The following TTC21A variants were observed in gnomAD, a reference collection of about 807,000 sequenced individuals.
TTC21A encodes tetratricopeptide repeat domain 21A, also known as tetratricopeptide repeat protein 21A.
In TTC21A, 128 loss-of-function variants were observed where a neutral mutation model predicts 156.4. That is an observed-to-expected ratio of 0.82 (90% confidence interval 0.71 to 0.95). The LOEUF is 0.95. Ranked by LOEUF, TTC21A falls within the 40% of genes least tolerant of loss-of-function variation. The probability of loss-of-function intolerance (pLI) is 0.00; values close to 1 mark genes in which losing one functional copy is unlikely to be tolerated. For missense variants in TTC21A, 1,435 were observed against 1,602.3 expected (o/e 0.90, Z 1.78); for synonymous variants, 587 against 617.1 (o/e 0.95, Z 0.72).
rs1432845666 is a variant in TTC21A, at chr3:39,114,839, C to T, written c.716+97C>T. 18 of 1,444,086 alleles carry T rather than the reference C, an allele frequency of 1.2e-5. No homozygotes were observed. The Middle Eastern group carries it at 5.8e-4, about 46-fold the overall frequency. 89.5% of individuals were successfully genotyped at this position (1,444,086 alleles called of 1,614,324 possible). On this transcript the variant is annotated intron_variant, in intron 6 of 28. Coordinates refer to ENST00000683103, the MANE Select transcript of TTC21A (RefSeq NM_001366900.1). Reference sequence around the variant, plus strand: ...GAGAACAAGACAGAAAGGTAAATATCGCCCATAGAGGAACTGGGAATTGTG... The same window carrying T: ...GAGAACAAGACAGAAAGGTAAATATTGCCCATAGAGGAACTGGGAATTGTG...
At position 39,130,342 on chromosome 3, in the gene TTC21A, C is replaced by A. The variant is rs1266997965; in HGVS notation, c.2303C>A (p.Ala768Asp). The A allele has an allele frequency of 6.2e-7, 1 of 1,613,020 alleles. No homozygotes were observed. Among genetic ancestry groups the A allele is most frequent in the Admixed American group, 1.7e-5 (1 of 59,894 alleles). ...AGAATTGGGCACGCTTATGTGAAGG[C>A]CCACCAGTATACTGAGGTCAGGCTG... is the stretch of plus-strand genomic sequence containing the variant. ...ASRIGHAYVK[A>D]HQYTEAIEYY... The change falls in exon 17 of 29, where the codon GCC (alanine) becomes GAC (aspartate). Residue 768 changes from alanine to aspartate, a missense_variant. Coordinates refer to ENST00000683103, the MANE Select transcript of TTC21A (RefSeq NM_001366900.1). The surrounding 1 kb of genome is among the most constrained non-coding windows in gnomAD (Gnocchi z 4.5).
chr3:39,129,994 A>C (rs1459572513), intron 15 of TTC21A, 85 bp from the exon 16 acceptor site: 22 of 1,314,026 alleles, frequency 1.7e-5, no homozygotes, highest in Middle Eastern at 1.9e-4. Context: ...AGCCAGAATC[A>C]GTGGGAAGGA....
At chr3:39,137,147 C>G (rs752600826) in intron 24 of TTC21A, 48 bp from the exon 25 acceptor site, 1 of 1,598,144 alleles carries the variant, frequency 6.3e-7, no homozygotes, top group South Asian at 1.1e-5. Flanking sequence ...GAGGGCCACA[C>G]GGGCAGGCCA....
At chr3:39,131,358 T>C (rs892602126) in intron 19 of TTC21A, among the ~76,000 whole-genome samples, 1 of 152,174 alleles carries the variant, frequency 6.6e-6, no homozygotes, top group African/African-American at 2.4e-5. Context: ...ATAGTAGAGA[T>C]AATAAGGATG....
Position 39,117,007 on chromosome 3 carries a change from T to C in TTC21A, c.717-1062T>C, listed in dbSNP as rs936078417. 3.9e-5 allele frequency among the ~76,000 whole-genome samples: 6 copies of C among 152,198 alleles called. No homozygotes were observed. In the East Asian group the frequency reaches 5.8e-4, roughly 15 times the overall value. ...CAGGTGTAAGCTACCGTGTCTGGCC[T>C]GTTTTCTGACTCTTGAGTTGGATGC... On this transcript the variant is annotated intron_variant, in intron 6 of 28. Coordinates refer to ENST00000683103, the MANE Select transcript of TTC21A (RefSeq NM_001366900.1).
At chr3:39,118,259 C>A in intron 7 of TTC21A, 106 bp downstream of exon 7, 1 of 1,082,772 alleles carries the variant, frequency 9.2e-7, no homozygotes, top group Admixed American at 1.7e-5. Flanking sequence ...GCTCCTGGAT[C>A]TCAGCTTCCT....
chr3:39,114,499 A>G (rs1559673685), intron 5 of TTC21A, 86 bp from the exon 6 acceptor site: 1 of 1,365,258 alleles, frequency 7.3e-7, no homozygotes, highest in South Asian at 1.2e-5. Flanking sequence ...TCCTGTTTTC[A>G]TGGAGACACA....
intron 6 of TTC21A, 67 bp from the exon 7 acceptor site, chr3:39,118,002 G>T: frequency 8.6e-7 from 1 of 1,157,468 alleles, no homozygotes. Context: ...ATCAGAAGTC[G>T]CCAACACACC....
chr3:39,121,269 G>A, intron 9 of TTC21A, 80 bp downstream of exon 9: 2 of 1,282,178 alleles, frequency 1.6e-6, no homozygotes, highest in Middle Eastern at 2.1e-4. Flanking sequence ...GAAGAGAGGT[G>A]CTGGAAAGCA....
rs991796033 is a variant in TTC21A, at chr3:39,110,765, G to C, written c.269-86G>C. Reference sequence around the variant, plus strand: ...AGTGTCTGGGGGAGACCCCGAGGTAGTTCCCTGGGCCCTCGGTGGCCCATG... The same window carrying C: ...AGTGTCTGGGGGAGACCCCGAGGTACTTCCCTGGGCCCTCGGTGGCCCATG... On this transcript the variant is annotated intron_variant, in intron 3 of 28. Transcript: ENST00000683103. 4.0e-6 allele frequency: 6 copies of C among 1,482,884 alleles called. No individual in the cohort carries two copies. The African/African-American group carries it at 8.5e-5, about 21-fold the overall frequency. The allele number at this position is 1,482,884 out of a possible 1,614,324, so 91.9% of individuals were successfully genotyped here.
In TTC21A at chr3:39,134,861, A is replaced by G. The variant is rs143725625; in HGVS notation, c.2863-232A>G. On this transcript the variant is annotated intron_variant, in intron 21 of 28. Transcript: ENST00000683103. This position sits in a 1 kb window ranked among gnomAD's most constrained non-coding sequence, Gnocchi z 4.6. ...TCTTACCTTCCCATGTACATCCTCA[A>G]CCCAACTCTTCTTGCCCCTCACCTT... 1,349 of 590,824 alleles carry G rather than the reference A, an allele frequency of 2.3e-3. 13 individuals are homozygous for G. Among genetic ancestry groups the G allele is most frequent in the African/African-American group, 0.019 (1,008 of 53,434 alleles). 36.6% of individuals were successfully genotyped at this position (590,824 alleles called of 1,614,324 possible). A position where few individuals can be genotyped will look rare whatever the true frequency, so the allele number is the denominator to read the frequency against.
intron 22 of TTC21A, among the ~76,000 whole-genome samples, chr3:39,135,798 G>C (rs2039068103): frequency 6.6e-6 from 1 of 152,198 alleles, no homozygotes; most frequent in South Asian, 2.1e-4. Flanking sequence ...GCTCACACCT[G>C]TAATCCTAGC....
At chr3:39,113,300 A>G (rs1240225155) in intron 5 of TTC21A, among the ~76,000 whole-genome samples, 1 of 152,210 alleles carries the variant, frequency 6.6e-6, no homozygotes, top group African/African-American at 2.4e-5. Flanking sequence ...TGGCTGGCAG[A>G]AAGCAATGGA....
At position 39,128,741 on chromosome 3, in the gene TTC21A, CTCA is replaced by C; in HGVS notation, c.1709_1711del (p.Ile570del). The C allele has an allele frequency of 6.2e-7, 1 of 1,614,170 alleles. No homozygotes were observed. Among genetic ancestry groups the C allele is most frequent in the Non-Finnish European group, 8.5e-7 (1 of 1,180,016 alleles). On this transcript the variant is annotated inframe_deletion, in exon 14 of 29. Coordinates refer to ENST00000683103, the MANE Select transcript of TTC21A (RefSeq NM_001366900.1). ...GGTCCGAGATCACCCCCTCTACCAC[CTCA>C]TCAAGGCCAGGGCCCTCAACAAGGC...
At chr3:39,125,563 G>T (rs1432925704) in intron 11 of TTC21A, 31 bp downstream of exon 11, 1 of 1,514,370 alleles carries the variant, frequency 6.6e-7, no homozygotes, top group African/African-American at 1.4e-5. Context: ...CATGGTGGGG[G>T]TCTGGAGTAC....
Position 39,129,061 on chromosome 3 carries a change from C to T in TTC21A, c.1897-11C>T, listed in dbSNP as rs767806217. The stretch of plus-strand genomic sequence containing the variant: ...ATCAAGTGAAGGGTCTGTTTGATTC[C>T]CATGTTTTAGCATGAGGCCACCAAG... On this transcript the variant is annotated splice_polypyrimidine_tract_variant and intron_variant, in intron 14 of 28. Transcript: ENST00000683103. 1 of 1,613,810 alleles carries T rather than the reference C, an allele frequency of 6.2e-7. No homozygotes were observed. Among genetic ancestry groups the T allele is most frequent in the South Asian group, 1.1e-5 (1 of 91,060 alleles).
chr3:39,126,179 TGA>T, intron 11 of TTC21A, 80 bp from the exon 12 acceptor site: 1 of 1,560,476 alleles, frequency 6.4e-7, no homozygotes, highest in Non-Finnish European at 8.8e-7. Context: ...ATTCCTTCAC[TGA>T]GAGCATTTTC....
intron 12 of TTC21A, among the ~76,000 whole-genome samples, 186 bp downstream of exon 12, chr3:39,126,576 G>A (rs1042061960): frequency 4.2e-5 from 6 of 143,960 alleles, no homozygotes; most frequent in Non-Finnish European, 9.0e-5. Context: ...CTCCTTGCCT[G>A]GGGTACTACA....
intron 6 of TTC21A, among the ~76,000 whole-genome samples, chr3:39,115,745 A>C (rs1003255863): frequency 1.3e-5 from 2 of 148,228 alleles, no homozygotes; most frequent in East Asian, 3.9e-4. Flanking sequence ...AAAATGTGTC[A>C]TCTTCACTTT....
Sources: gnomAD v4.1 joint callset for allele counts (sites outside exome capture counted in the v4.1 genomes callset) on GRCh38, gnomAD v4.1.1 for gene constraint, Gnocchi (gnomAD v3.1) non-coding constraint, MANE v1.5 for transcripts, NCBI Gene and HGNC (gene_info 2026-07-23, HGNC 2026-07-21) for gene names.